Variants in C19orf38 observed in about 807,000 individuals in gnomAD.
C19orf38 encodes protein HIDE1.
C19orf38 carries 14 observed loss-of-function variants against 26.6 expected under a neutral mutation model. That is an observed-to-expected ratio of 0.53 (90% CI 0.35 to 0.82). The LOEUF is 0.82. Ranked by LOEUF, C19orf38 falls within the 40% of genes least tolerant of loss-of-function variation. The pLI is 0.01. For missense variants in C19orf38, 261 were observed against 299.5 expected, an observed-to-expected ratio of 0.87 and a Z score of 0.95; for synonymous variants, 132 against 128.5, an observed-to-expected ratio of 1.03 and a Z score of -0.18.
chr19:10,858,405 A>G (rs1421418044), intron 4 of C19orf38, 62 bp downstream of exon 4: 6 of 1,467,562 alleles, frequency 4.1e-6, no homozygotes, highest in African/African-American at 2.8e-5. Flanking sequence ...CTTCCCTGGC[A>G]GGGTGGGCAC....
intron 1 of C19orf38, among the ~76,000 whole-genome samples, chr19:10,838,501 A>G (rs1040699108): frequency 3.9e-5 from 6 of 152,190 alleles, no homozygotes; most frequent in East Asian, 1.9e-4. Flanking sequence ...TGTAGTTCCA[A>G]AACATTTTCA....
At chr19:10,844,865 A>G (rs2073504667), upstream of C19orf38, among the ~76,000 whole-genome samples, 1 of 146,570 alleles carries the variant, frequency 6.8e-6, no homozygotes, top group African/African-American at 2.5e-5. Flanking sequence ...AAAAAAAAAA[A>G]TGAAGGAGGC....
upstream of C19orf38, among the ~76,000 whole-genome samples, chr19:10,846,260 G>T (rs895716896): frequency 2.6e-5 from 4 of 151,318 alleles, no homozygotes; most frequent in Non-Finnish European, 4.4e-5. Context: ...GCAGTGGCAT[G>T]ATCTCAGCTC....
intron 6 of C19orf38, among the ~76,000 whole-genome samples, chr19:10,864,676 G>A (rs998028979): frequency 2.4e-4 from 36 of 152,338 alleles, no homozygotes; most frequent in Non-Finnish European, 1.0e-4. Flanking sequence ...TGGGCCAAGC[G>A]TGCACCAAAG....
At chr19:10,847,061 C>A (rs978828877), upstream of C19orf38, among the ~76,000 whole-genome samples, 12 of 152,164 alleles carry the variant, frequency 7.9e-5, no homozygotes, top group African/African-American at 2.7e-4. Flanking sequence ...GACCACATGC[C>A]ACATCCTTCT....
chr19:10,853,037 C>G (rs1256028461), intron 2 of C19orf38, among the ~76,000 whole-genome samples: 3 of 150,482 alleles, frequency 2.0e-5, no homozygotes, highest in African/African-American at 7.3e-5. Flanking sequence ...ATAGTGAGAC[C>G]CTGTCTCTAC....
At position 10,837,503 on chromosome 19, in the gene C19orf38, CTTTTTT is replaced by C. The variant is rs958209460; in HGVS notation, c.-69+749_-69+754del. 5.2e-3 allele frequency among the ~76,000 whole-genome samples: 488 copies of C among 93,576 alleles called. 4 individuals are homozygous for C. The highest frequency in any genetic ancestry group is 0.018 in the African/African-American group (430 of 24,480). 61.4% of individuals were successfully genotyped at this position (93,576 alleles called of 152,430 possible). A position where few individuals can be genotyped will look rare whatever the true frequency, so the allele number is the denominator to read the frequency against. ...TCTTTTTTTTTTTAATTTTTTTTTC[CTTTTTT>C]TTTTTTTTTTTTTTTGAGACAGAGT... On this transcript the variant is annotated intron_variant, in intron 1 of 7. Transcript: ENST00000592854.
chr19:10,841,984 C>G, intron 1 of C19orf38: 1 of 1,610,560 alleles, frequency 6.2e-7, no homozygotes, highest in South Asian at 1.1e-5. Context: ...GGTCTTAAAT[C>G]TGGAGAAGGA....
At chr19:10,838,488 C>T (rs912169398) in intron 1 of C19orf38, among the ~76,000 whole-genome samples, 1 of 152,202 alleles carries the variant, frequency 6.6e-6, no homozygotes, top group Admixed American at 6.6e-5. Context: ...GCAGTGACTT[C>T]TATGTAGTTC....
Position 10,850,388 on chromosome 19 carries a change from G to T in C19orf38, c.161G>T (p.Gly54Val). Reference sequence around the variant, plus strand: ...GGGGCGAATTTCACACTGTATCGAGGGGGGCAGGTGGTCCAGCTCCTGCAG... The same window carrying T: ...GGGGCGAATTTCACACTGTATCGAGTGGGGCAGGTGGTCCAGCTCCTGCAG... ...FPGANFTLYR[G>V]GQVVQLLQAP... The change falls in exon 2 of 7, where the codon GGG becomes GTG. Residue 54 changes from glycine (G) to valine (V), a missense_variant. Coordinates refer to ENST00000397820, the MANE Select transcript of C19orf38 (RefSeq NM_001136482.3). 1 of 1,550,940 alleles carries T rather than the reference G, an allele frequency of 6.4e-7. No individual in the cohort carries two copies. Among genetic ancestry groups the T allele is most frequent in the Non-Finnish European group, 8.7e-7 (1 of 1,146,562 alleles).
intron 1 of C19orf38, among the ~76,000 whole-genome samples, chr19:10,843,217 A>C (rs1178400299): frequency 6.6e-6 from 1 of 152,226 alleles, no homozygotes; most frequent in Non-Finnish European, 1.5e-5. Context: ...TATGCAAACT[A>C]GGTGGAGGGT....
chr19:10,840,818 A>G (rs949554919), intron 1 of C19orf38, among the ~76,000 whole-genome samples: 1 of 152,180 alleles, frequency 6.6e-6, no homozygotes, highest in Non-Finnish European at 1.5e-5. Flanking sequence ...CGCCCAGCCT[A>G]GAGACAGGTT....
At chr19:10,848,908 T>TGGAC (rs949489432) in intron 1 of C19orf38, among the ~76,000 whole-genome samples, 3 of 151,580 alleles carry the variant, frequency 2.0e-5, no homozygotes, top group African/African-American at 7.3e-5. Context: ...GGTTGGAGGC[T>TGGAC]GGACGAGGGA....
intron 4 of C19orf38, 112 bp downstream of exon 4, chr19:10,858,455 T>C: frequency 9.6e-7 from 1 of 1,041,322 alleles, no homozygotes; most frequent in Non-Finnish European, 1.4e-6. Context: ...GTGGGCATGC[T>C]GCGTAATAGG....
chr19:10,859,379 TATATA>T (rs1289923949), intron 4 of C19orf38, among the ~76,000 whole-genome samples: 580 of 39,464 alleles, frequency 0.015, 7 homozygotes, highest in African/African-American at 0.07. Context: ...TATATATATA[TATATA>T]TTTTTTTTTT....
chr19:10,841,961 C>T (rs1365983437), intron 1 of C19orf38: 24 of 1,609,694 alleles, frequency 1.5e-5, no homozygotes, highest in Middle Eastern at 4.5e-4. Context: ...CAAGTGCCAT[C>T]TTCAAAATTT....
chr19:10,854,263 C>T (rs2073602641), intron 2 of C19orf38, among the ~76,000 whole-genome samples: 1 of 151,602 alleles, frequency 6.6e-6, no homozygotes, highest in Non-Finnish European at 1.5e-5. Flanking sequence ...GGGGTTTCAC[C>T]ATGTTGGCCA....
intron 3 of C19orf38, among the ~76,000 whole-genome samples, chr19:10,856,587 T>C (rs2073628291): frequency 6.6e-6 from 1 of 152,010 alleles, no homozygotes; most frequent in Non-Finnish European, 1.5e-5. Context: ...CACTGCAACC[T>C]CCGCCTTCGA....
chr19:10,839,543 T>A (rs1362089467), intron 1 of C19orf38, among the ~76,000 whole-genome samples: 1 of 152,214 alleles, frequency 6.6e-6, no homozygotes, highest in East Asian at 1.9e-4. Flanking sequence ...ATGTGCTTTT[T>A]GCCTCTAGGG....
Sources: gnomAD v4.1 joint callset for allele counts (sites outside exome capture counted in the v4.1 genomes callset) on GRCh38, gnomAD v4.1.1 for gene constraint, MANE v1.5 for transcripts, NCBI Gene and HGNC (gene_info 2026-07-23, HGNC 2026-07-21) for gene names.